The following HMGCLL1 variants were observed in gnomAD, a reference collection of about 807,000 sequenced individuals.
HMGCLL1 encodes 3-hydroxy-3-methylglutaryl-CoA lyase like 1.
HMGCLL1 carries 36 observed loss-of-function variants against 39.1 expected under a neutral mutation model. The ratio of observed to expected loss-of-function variants is 0.92; its 90% confidence interval spans 0.71 to 1.22. The LOEUF (loss-of-function observed/expected upper bound fraction) is 1.22, where lower values mean the gene tolerates loss of function less well. Among genes scored for constraint, HMGCLL1 ranks in the 50% most tolerant of loss-of-function variants. The pLI is 0.00. For missense variants in HMGCLL1, 451 were observed against 416.5 expected, an observed-to-expected ratio of 1.08 and a Z score of -0.72; for synonymous variants, 149 against 144.0, an observed-to-expected ratio of 1.03 and a Z score of -0.25.
At chr6:55,526,966 C>A (rs1364953956) in intron 3 of HMGCLL1, among the ~76,000 whole-genome samples, 1 of 151,980 alleles carries the variant, frequency 6.6e-6, no homozygotes, top group Non-Finnish European at 1.5e-5. Context: ...ATCAACAGAA[C>A]TAGATAGTGA....
chr6:55,573,813 C>T (rs959895819), intron 1 of HMGCLL1, among the ~76,000 whole-genome samples: 5 of 151,950 alleles, frequency 3.3e-5, no homozygotes, highest in Non-Finnish European at 5.9e-5. Context: ...ATATGAAACC[C>T]AACAAACATC....
At chr6:55,633,940 A>T in the HMGCLL1 span, among the ~76,000 whole-genome samples, 1 of 152,156 alleles carries the variant, frequency 6.6e-6, no homozygotes, top group Non-Finnish European at 1.5e-5. Flanking sequence ...ATTTGCAAAT[A>T]TAAACGCATT....
the HMGCLL1 span, among the ~76,000 whole-genome samples, chr6:55,600,989 A>G: frequency 3.5e-4 from 53 of 152,284 alleles, no homozygotes; most frequent in East Asian, 0.01. Context: ...TGTAATTTAA[A>G]TACTTATAAT....
At chr6:55,437,707 G>A (rs773190418) in intron 8 of HMGCLL1, among the ~76,000 whole-genome samples, 1 of 152,122 alleles carries the variant, frequency 6.6e-6, no homozygotes, top group Non-Finnish European at 1.5e-5. Context: ...CAGACGTAGA[G>A]CCTATTCATA....
intron 7 of HMGCLL1, among the ~76,000 whole-genome samples, chr6:55,459,832 T>G (rs1429448292): frequency 6.6e-6 from 1 of 152,010 alleles, no homozygotes; most frequent in African/African-American, 2.4e-5. Context: ...TACAGATAAA[T>G]ATATAGGTAG....
chr6:55,456,400 T>G (rs911650237), intron 7 of HMGCLL1, among the ~76,000 whole-genome samples: 1 of 152,200 alleles, frequency 6.6e-6, no homozygotes, highest in Non-Finnish European at 1.5e-5. Context: ...CAAATTCAAG[T>G]GCTATTTCAC....
At chr6:55,591,086 A>G in the HMGCLL1 span, among the ~76,000 whole-genome samples, 1 of 151,976 alleles carries the variant, frequency 6.6e-6, no homozygotes, top group Non-Finnish European at 1.5e-5. Flanking sequence ...TTTTATGTAC[A>G]TGGTATTTCC....
chr6:55,594,512 A>G, the HMGCLL1 span, among the ~76,000 whole-genome samples: 4 of 152,154 alleles, frequency 2.6e-5, no homozygotes, highest in African/African-American at 4.8e-5. Context: ...TTGTTCTGAG[A>G]ATAGAGTTCT....
chr6:55,542,522 G>A (rs1769504840), intron 1 of HMGCLL1, among the ~76,000 whole-genome samples: 3 of 151,950 alleles, frequency 2.0e-5, no homozygotes, highest in Admixed American at 6.6e-5. Context: ...GCTCACGCCT[G>A]TAATCCCAAC....
At chr6:55,630,893 C>T in the HMGCLL1 span, among the ~76,000 whole-genome samples, 19 of 152,076 alleles carry the variant, frequency 1.2e-4, no homozygotes, top group African/African-American at 4.1e-4. Flanking sequence ...TGCCCAGTCT[C>T]GGGTATTTTT....
At chr6:55,477,187 ATATTATATATT>A (rs1765360498) in intron 7 of HMGCLL1, among the ~76,000 whole-genome samples, 1 of 31,938 alleles carries the variant, frequency 3.1e-5, no homozygotes, top group African/African-American at 1.9e-4. Context: ...TTATATTTAT[ATATTATATATT>A]ATATAATATA....
chr6:55,524,723 C>T (rs1045737365), intron 3 of HMGCLL1, among the ~76,000 whole-genome samples: 6 of 151,740 alleles, frequency 4.0e-5, no homozygotes, highest in Non-Finnish European at 5.9e-5. Flanking sequence ...TTGCCAGAAA[C>T]GCGATCCTTG....
intron 5 of HMGCLL1, among the ~76,000 whole-genome samples, chr6:55,501,186 G>T (rs926864019): frequency 2.0e-5 from 3 of 151,818 alleles, no homozygotes; most frequent in Non-Finnish European, 2.9e-5. Context: ...CACGCATGCG[G>T]CTACTTTCTC....
In HMGCLL1 at chr6:55,575,550, G is replaced by T. The variant is rs1228646827; in HGVS notation, c.108+3398C>A. On this transcript the variant is annotated intron_variant, in intron 1 of 8. Coordinates refer to ENST00000274901, the MANE Select transcript of HMGCLL1 (RefSeq NM_001042406.2). ...ATATCGAGGTTTTCAATATTCTATT[G>T]CACACACATAATTATTTCAAAATAC... is the stretch of plus-strand genomic sequence containing the variant. 2.0e-5 allele frequency among the ~76,000 whole-genome samples: 3 copies of T among 151,990 alleles called. No homozygotes were observed. In the East Asian group the frequency reaches 5.8e-4, roughly 29 times the overall value.
the HMGCLL1 span, among the ~76,000 whole-genome samples, chr6:55,638,179 G>A: frequency 6.6e-6 from 1 of 152,064 alleles, no homozygotes; most frequent in African/African-American, 2.4e-5. Flanking sequence ...GCTGAGGTGG[G>A]TGGATCTCCT....
chr6:55,550,798 G>T (rs1218551074), intron 1 of HMGCLL1, among the ~76,000 whole-genome samples: 2 of 151,560 alleles, frequency 1.3e-5, no homozygotes, highest in Non-Finnish European at 2.9e-5. Flanking sequence ...AATGTCTGGA[G>T]AAATTTTGGT....
At chr6:55,566,319 C>T (rs1446099124) in intron 1 of HMGCLL1, among the ~76,000 whole-genome samples, 1 of 152,072 alleles carries the variant, frequency 6.6e-6, no homozygotes, top group African/African-American at 2.4e-5. Context: ...TTCCTAGACC[C>T]TATTGCTTCT....
At chr6:55,563,455 T>C (rs1771060134) in intron 1 of HMGCLL1, among the ~76,000 whole-genome samples, 1 of 152,204 alleles carries the variant, frequency 6.6e-6, no homozygotes, top group Non-Finnish European at 1.5e-5. Context: ...CTATGTTTTA[T>C]TGATTATGCA....
chr6:55,517,346 T>A (rs1767793508), intron 3 of HMGCLL1, among the ~76,000 whole-genome samples: 1 of 152,040 alleles, frequency 6.6e-6, no homozygotes, highest in African/African-American at 2.4e-5. Context: ...TCAGATCCCA[T>A]AATCATCACA....
Sources: allele counts gnomAD v4.1 joint callset (sites outside exome capture counted in the v4.1 genomes callset), GRCh38; gene constraint gnomAD v4.1.1; transcripts MANE v1.5; gene names NCBI Gene and HGNC (gene_info 2026-07-23, HGNC 2026-07-21).